Variants in CSMD1 observed in about 807,000 individuals in gnomAD.
The protein encoded by CSMD1 is CUB and Sushi multiple domains 1, also known as CUB and sushi domain-containing protein 1.
CSMD1 carries 213 observed loss-of-function variants against 417.5 expected under a neutral mutation model. The ratio of observed to expected loss-of-function variants is 0.51; its 90% CI spans 0.46 to 0.57. The LOEUF is 0.57. Among genes scored for constraint, CSMD1 ranks in the 20% least tolerant of loss-of-function variants. The pLI is 0.00. For synonymous variants in CSMD1, 2,862 were observed against 1,736.8 expected (o/e 1.65, Z -16.11); for missense variants, 6,923 against 4,529.7 (o/e 1.53, Z -15.17).
rs775834417 is a variant in CSMD1, at chr8:4,637,455, G to T, written c.189C>A (p.Ile63=). The T allele has an allele frequency of 9.9e-6, 16 of 1,613,880 alleles. No homozygotes were observed. Among genetic ancestry groups the T allele is most frequent in the Non-Finnish European group, 1.4e-5 (16 of 1,179,878 alleles). The change falls in exon 2 of 70, where the codon ATC becomes ATA. Residue 63 remains isoleucine, a synonymous_variant. Coordinates refer to ENST00000635120, the MANE Select transcript of CSMD1 (RefSeq NM_033225.6). The part of the protein sequence containing the change: ...PNYANCTWII[I]TGERNRIQLS... Reference sequence around the variant, plus strand: ...ACTGTATCCTATTGCGCTCGCCCGTGATGATGATCCAGGTGCAGTTGGCAT... The same window carrying T: ...ACTGTATCCTATTGCGCTCGCCCGTTATGATGATCCAGGTGCAGTTGGCAT...
chr8:3,270,138 C>G (rs1436736370), intron 26 of CSMD1, among the ~76,000 whole-genome samples: 1 of 149,986 alleles, frequency 6.7e-6, no homozygotes, highest in East Asian at 2.0e-4. Flanking sequence ...CAACCTCTGC[C>G]TCCCGGGTTC....
At chr8:3,862,808 T>C (rs1464355786) in intron 5 of CSMD1, among the ~76,000 whole-genome samples, 1 of 152,198 alleles carries the variant, frequency 6.6e-6, no homozygotes, top group Non-Finnish European at 1.5e-5. Context: ...ACAACAGCAT[T>C]GCCTGCCCTC....
At chr8:3,537,536 A>C (rs566939776) in intron 10 of CSMD1, among the ~76,000 whole-genome samples, 73 of 152,316 alleles carry the variant, frequency 4.8e-4, no homozygotes, top group African/African-American at 1.7e-3. Context: ...CCCCTAAAAG[A>C]ATCCTTCTTT....
chr8:4,071,429 A>G (rs1230474542), intron 3 of CSMD1, among the ~76,000 whole-genome samples: 1 of 152,106 alleles, frequency 6.6e-6, no homozygotes, highest in African/African-American at 2.4e-5. Context: ...ATATTTAATT[A>G]TTCATTTGAT....
chr8:4,412,890 A>T (rs548695634), intron 3 of CSMD1, among the ~76,000 whole-genome samples: 2 of 152,318 alleles, frequency 1.3e-5, no homozygotes, highest in Admixed American at 1.3e-4. Flanking sequence ...AAAAAGAAAG[A>T]CATAAGATAA....
intron 3 of CSMD1, among the ~76,000 whole-genome samples, chr8:4,123,735 G>C (rs1324524612): frequency 6.6e-6 from 1 of 152,158 alleles, no homozygotes; most frequent in African/African-American, 2.4e-5. Context: ...TAGATCATTA[G>C]AATTCAATGT....
chr8:3,038,413 T>C (rs1403550615), intron 50 of CSMD1, among the ~76,000 whole-genome samples: 1 of 152,224 alleles, frequency 6.6e-6, no homozygotes, highest in Non-Finnish European at 1.5e-5. Context: ...GTCAAAAATC[T>C]TAGTGTTCCA....
At chr8:4,786,306 A>T (rs1266694950) in intron 1 of CSMD1, among the ~76,000 whole-genome samples, 1 of 152,140 alleles carries the variant, frequency 6.6e-6, no homozygotes. Flanking sequence ...CACTCCTACA[A>T]CCAGGTTTAT....
intron 3 of CSMD1, among the ~76,000 whole-genome samples, chr8:4,167,057 G>A (rs1030054911): frequency 2.6e-5 from 4 of 151,964 alleles, no homozygotes; most frequent in African/African-American, 9.7e-5. Flanking sequence ...GCAACAAACG[G>A]GGAGGAGAAA....
intron 30 of CSMD1, among the ~76,000 whole-genome samples, chr8:3,210,909 C>T (rs1797565512): frequency 6.6e-6 from 1 of 152,012 alleles, no homozygotes; most frequent in Non-Finnish European, 1.5e-5. Context: ...CTCAATTTTG[C>T]TACCTACTTT....
intron 2 of CSMD1, among the ~76,000 whole-genome samples, chr8:4,460,093 C>A (rs1799721151): frequency 6.6e-6 from 1 of 152,092 alleles, no homozygotes; most frequent in African/African-American, 2.4e-5. Flanking sequence ...ACATTCTCCA[C>A]AACAGAGCAT....
At chr8:3,710,651 C>G (rs117177909) in intron 6 of CSMD1, among the ~76,000 whole-genome samples, 1 of 152,266 alleles carries the variant, frequency 6.6e-6, no homozygotes, top group Admixed American at 6.5e-5. Context: ...CTCTTGGACT[C>G]TACCCCTCAG....
intron 3 of CSMD1, among the ~76,000 whole-genome samples, chr8:4,223,389 C>A (rs1038052497): frequency 1.3e-5 from 2 of 152,222 alleles, no homozygotes; most frequent in African/African-American, 2.4e-5. Flanking sequence ...AATTCAGCTG[C>A]CGCCAAGGTA....
At chr8:4,813,840 G>C (rs763680856) in intron 1 of CSMD1, among the ~76,000 whole-genome samples, 2 of 152,174 alleles carry the variant, frequency 1.3e-5, no homozygotes, top group Non-Finnish European at 2.9e-5. Context: ...TAATTCCAGA[G>C]TGCATAGTAG....
chr8:4,191,097 T>A (rs148204391), intron 3 of CSMD1, among the ~76,000 whole-genome samples: 1 of 151,924 alleles, frequency 6.6e-6, no homozygotes, highest in African/African-American at 2.4e-5. Flanking sequence ...AAAATAAAAG[T>A]TGAAAAAAAT....
At chr8:3,644,333 A>G (rs1797465896) in intron 7 of CSMD1, among the ~76,000 whole-genome samples, 1 of 152,212 alleles carries the variant, frequency 6.6e-6, no homozygotes, top group South Asian at 2.1e-4. Flanking sequence ...TCTTAGAGGC[A>G]AATGGCCTTG....
chr8:4,759,077 G>A (rs556277173), intron 1 of CSMD1, among the ~76,000 whole-genome samples: 2 of 152,202 alleles, frequency 1.3e-5, no homozygotes, highest in Admixed American at 1.3e-4. Flanking sequence ...TATGCTCTGG[G>A]AGCAATATCT....
At chr8:4,940,964 T>G (rs918505976) in intron 1 of CSMD1, among the ~76,000 whole-genome samples, 1 of 152,170 alleles carries the variant, frequency 6.6e-6, no homozygotes, top group Admixed American at 6.5e-5. Flanking sequence ...CTAGATGGAT[T>G]TTTCAAATGT....
At chr8:3,869,423 C>A (rs1356244893) in intron 5 of CSMD1, among the ~76,000 whole-genome samples, 1 of 152,120 alleles carries the variant, frequency 6.6e-6, no homozygotes, top group Non-Finnish European at 1.5e-5. Context: ...TCCTTTTCTC[C>A]AATCCTGTCC....
Sources: allele counts gnomAD v4.1 joint callset (sites outside exome capture counted in the v4.1 genomes callset), GRCh38; gene constraint gnomAD v4.1.1; transcripts MANE v1.5; gene names NCBI Gene and HGNC (gene_info 2026-07-23, HGNC 2026-07-21).